PLEKHA7: variants seen among roughly 807,000 people sequenced by gnomAD.
The protein encoded by PLEKHA7 is pleckstrin homology domain-containing family A member 7.
Under a neutral mutation model 170.0 loss-of-function variants are expected in PLEKHA7, and 104 were observed. The ratio of observed to expected loss-of-function variants is 0.61; its 90% CI spans 0.52 to 0.72. The LOEUF is 0.72. Among genes scored for constraint, PLEKHA7 ranks in the 30% least tolerant of loss-of-function variants. The pLI, the probability that PLEKHA7 is intolerant of heterozygous loss-of-function variation, is 0.00. For missense variants in PLEKHA7, 1,615 were observed against 1,671.7 expected, an observed-to-expected ratio of 0.97 and a Z score of 0.59; for synonymous variants, 648 against 660.8, an observed-to-expected ratio of 0.98 and a Z score of 0.30.
chr11:16,993,359 TGCAGGTTCA>T (rs1272861982), intron 3 of PLEKHA7, among the ~76,000 whole-genome samples: 1 of 152,156 alleles, frequency 6.6e-6, no homozygotes, highest in Non-Finnish European at 1.5e-5. Context: ...AAACAATTCC[TGCAGGTTCA>T]GCAAAAGTCC....
intron 3 of PLEKHA7, among the ~76,000 whole-genome samples, chr11:16,993,884 T>C (rs1864186975): frequency 6.6e-6 from 1 of 152,300 alleles, no homozygotes; most frequent in South Asian, 2.1e-4. Flanking sequence ...GCCTACTGTG[T>C]CTGGGTAGAT....
intron 3 of PLEKHA7, among the ~76,000 whole-genome samples, chr11:16,898,257 A>G (rs1857118944): frequency 6.6e-6 from 1 of 152,238 alleles, no homozygotes; most frequent in African/African-American, 2.4e-5. Flanking sequence ...AAACTAGGGA[A>G]ACATTCCAAT....
At chr11:16,927,044 T>G (rs926271574) in intron 3 of PLEKHA7, among the ~76,000 whole-genome samples, 1 of 147,698 alleles carries the variant, frequency 6.8e-6, no homozygotes, top group African/African-American at 2.5e-5. Flanking sequence ...GTGGTAGCGC[T>G]AGCCCGCAGC....
rs12221752 is a variant in PLEKHA7 at position 17,003,916 on chromosome 11, T to C, written c.221+10073A>G. On this transcript the variant is annotated intron_variant, in intron 3 of 26. Transcript: ENST00000531066. Reference sequence around the variant, plus strand: ...GACAATCCAAGGTTACCACAACTGCTGATACTTTCCTTAAGTCCTCCTGTA... The same window carrying C: ...GACAATCCAAGGTTACCACAACTGCCGATACTTTCCTTAAGTCCTCCTGTA... Among the ~76,000 whole-genome samples the C allele has an allele frequency of 0.012, 1,801 of 152,290 alleles. 234 individuals carry two copies. The East Asian group carries it at 0.27, about 23-fold the overall frequency.
chr11:16,933,393 A>T (rs912256801), intron 3 of PLEKHA7, among the ~76,000 whole-genome samples: 5 of 152,244 alleles, frequency 3.3e-5, no homozygotes, highest in Non-Finnish European at 5.9e-5. Context: ...GCAGCAGTAC[A>T]GGCAGGAGAG....
At chr11:16,913,433 C>T (rs1209948489) in intron 3 of PLEKHA7, among the ~76,000 whole-genome samples, 1 of 152,262 alleles carries the variant, frequency 6.6e-6, no homozygotes. Context: ...GACTGCCCTC[C>T]CAGTCTCGAC....
chr11:16,806,261 C>T (rs937969744), intron 13 of PLEKHA7, among the ~76,000 whole-genome samples: 55 of 152,362 alleles, frequency 3.6e-4, no homozygotes, highest in Admixed American at 1.1e-3. Flanking sequence ...CGTTAAGCTT[C>T]TGAATGTAGC....
chr11:17,000,362 C>T (rs117615589), intron 3 of PLEKHA7, among the ~76,000 whole-genome samples: 1 of 152,064 alleles, frequency 6.6e-6, no homozygotes, highest in Non-Finnish European at 1.5e-5. Context: ...CCAAAGTGCT[C>T]GGATTACAGG....
intron 3 of PLEKHA7, among the ~76,000 whole-genome samples, chr11:16,892,161 T>C (rs533967028): frequency 2.0e-5 from 3 of 152,298 alleles, no homozygotes; most frequent in East Asian, 3.9e-4. Context: ...AAGATGACCT[T>C]ATGCTCCTCA....
chr11:16,811,605 G>A (rs958088770), intron 13 of PLEKHA7, among the ~76,000 whole-genome samples: 1 of 152,174 alleles, frequency 6.6e-6, no homozygotes, highest in South Asian at 2.1e-4. Flanking sequence ...AGCTATGCTT[G>A]AGCATTTTGA....
intron 3 of PLEKHA7, among the ~76,000 whole-genome samples, chr11:16,990,321 T>C (rs149877225): frequency 0.01 from 1,098 of 105,954 alleles, 7 homozygotes; most frequent in Non-Finnish European, 0.016. Flanking sequence ...TCCCAGGTAA[T>C]CAGTAATAGG....
intron 3 of PLEKHA7, among the ~76,000 whole-genome samples, chr11:16,913,501 G>A (rs535079729): frequency 5.3e-5 from 8 of 152,322 alleles, no homozygotes; most frequent in Admixed American, 2.0e-4. Flanking sequence ...GGCAGCTGGC[G>A]TCGCAGTGGT....
intron 3 of PLEKHA7, 145 bp downstream of exon 3, chr11:17,013,844 C>T: frequency 9.7e-7 from 1 of 1,029,028 alleles, no homozygotes. Context: ...CTTGGGCACA[C>T]AAAACGTTGA....
chr11:16,873,924 C>A (rs1855074072), intron 3 of PLEKHA7, among the ~76,000 whole-genome samples: 1 of 152,176 alleles, frequency 6.6e-6, no homozygotes, highest in Non-Finnish European at 1.5e-5. Flanking sequence ...ACCTCAGCCT[C>A]CCAAAGTGCT....
At chr11:17,008,459 A>C (rs1362398099) in intron 3 of PLEKHA7, among the ~76,000 whole-genome samples, 2 of 152,336 alleles carry the variant, frequency 1.3e-5, no homozygotes, top group African/African-American at 4.8e-5. Flanking sequence ...ACTGTATCCA[A>C]GAAGCCTGGG....
chr11:16,923,255 T>C (rs113063522), intron 3 of PLEKHA7, among the ~76,000 whole-genome samples: 4 of 152,186 alleles, frequency 2.6e-5, no homozygotes, highest in Admixed American at 2.6e-4. Context: ...TTGAGCAGAC[T>C]TTTCATAATA....
At chr11:16,865,715 G>T (rs1854336990) in intron 4 of PLEKHA7, among the ~76,000 whole-genome samples, 1 of 151,882 alleles carries the variant, frequency 6.6e-6, no homozygotes, top group Admixed American at 6.6e-5. Flanking sequence ...GAAAAGAAAT[G>T]AGCACTCTAG....
intron 24 of PLEKHA7, among the ~76,000 whole-genome samples, chr11:16,784,548 C>A (rs1383983525): frequency 6.6e-6 from 1 of 152,194 alleles, no homozygotes; most frequent in African/African-American, 2.4e-5. Context: ...TTTCACCTCA[C>A]CAGCATCTCC....
At chr11:16,844,311 G>C (rs1157152833) in intron 8 of PLEKHA7, among the ~76,000 whole-genome samples, 1 of 152,178 alleles carries the variant, frequency 6.6e-6, no homozygotes, top group Non-Finnish European at 1.5e-5. Flanking sequence ...ACACATGATT[G>C]CAAATATAAC....
Sources: gnomAD v4.1 joint callset for allele counts (sites outside exome capture counted in the v4.1 genomes callset) on GRCh38, gnomAD v4.1.1 for gene constraint, MANE v1.5 for transcripts, NCBI Gene and HGNC (gene_info 2026-07-23, HGNC 2026-07-21) for gene names.